ICE1: variants seen among roughly 807,000 people sequenced by gnomAD.
ICE1 encodes the protein little elongation complex subunit 1.
A neutral mutation model predicts 192.7 loss-of-function variants in ICE1; 64 were observed. The ratio of observed to expected loss-of-function variants is 0.33; its 90% CI spans 0.27 to 0.41. ICE1 has a LOEUF of 0.41. Among genes scored for constraint, ICE1 ranks in the 10% least tolerant of loss-of-function variants. The probability of loss-of-function intolerance (pLI) is 1.00; values close to 1 mark genes in which losing one functional copy is unlikely to be tolerated. For synonymous variants in ICE1, 1,010 were observed against 984.5 expected (o/e 1.03, Z -0.49); for missense variants, 2,708 against 2,696.0 (o/e 1.00, Z -0.10).
chr5:5,447,542 A>T, intron 8 of ICE1, 33 bp downstream of exon 8: 1 of 1,488,284 alleles, frequency 6.7e-7, no homozygotes, highest in Non-Finnish European at 9.2e-7. Flanking sequence ...ACACACCTTA[A>T]ATACGTGGCT....
rs2619844 is a variant in ICE1, at chr5:5,460,506, G to C, written c.1172G>C (p.Cys391Ser). 0.67 allele frequency: 1,082,654 copies of C among 1,608,508 alleles called. 366,278 individuals are homozygous for C. Among genetic ancestry groups the C allele is most frequent in the Admixed American group, 0.82 (49,016 of 59,620 alleles). The change falls in exon 13 of 19, where the codon TGT becomes TCT. Residue 391 changes from cysteine to serine, a missense_variant. By Grantham distance (112) the Cys-to-Ser change is moderately radical. Coordinates refer to ENST00000296564, the MANE Select transcript of ICE1 (RefSeq NM_015325.3). ...DSVQLRNSAE[C>S]VSEDDTTESQ... ...GTCCAGCTTAGAAATTCTGCTGAGT[G>C]TGTTTCAGAAGATGATACAACTGAA...
At chr5:5,481,003 T>C (rs1361204006) in intron 17 of ICE1, among the ~76,000 whole-genome samples, 1 of 152,180 alleles carries the variant, frequency 6.6e-6, no homozygotes, top group African/African-American at 2.4e-5. Flanking sequence ...ACAATTTTCA[T>C]TCTAGCTGTG....
intron 1 of ICE1, among the ~76,000 whole-genome samples, chr5:5,423,298 G>T (rs746317764): frequency 1.3e-5 from 2 of 152,162 alleles, no homozygotes; most frequent in African/African-American, 4.8e-5. Context: ...CCCGGCCTCG[G>T]AGCTCCCTAG....
intron 17 of ICE1, among the ~76,000 whole-genome samples, chr5:5,480,249 C>CTTTTTTTTT (rs574170460): frequency 2.3e-5 from 3 of 129,920 alleles, no homozygotes; most frequent in East Asian, 2.3e-4. Flanking sequence ...TTTTCTTTTT[C>CTTTTTTTTT]TTTTTTTTTT....
intron 1 of ICE1, among the ~76,000 whole-genome samples, chr5:5,431,417 T>C (rs112611182): frequency 6.6e-6 from 1 of 152,234 alleles, no homozygotes; most frequent in Non-Finnish European, 1.5e-5. Context: ...AGCAGCATTC[T>C]GAGGGCTCTC....
chr5:5,428,176 C>T (rs1264257726), intron 1 of ICE1, among the ~76,000 whole-genome samples: 2 of 152,040 alleles, frequency 1.3e-5, no homozygotes, highest in Non-Finnish European at 2.9e-5. Context: ...CACCCAGAAG[C>T]CACTCTGCTT....
At chr5:5,460,311 C>A in intron 12 of ICE1, 125 bp from the exon 13 acceptor site, 1 of 707,172 alleles carries the variant, frequency 1.4e-6, no homozygotes, top group South Asian at 2.0e-5. Context: ...CTAGCCTGCC[C>A]CTGCTCAAAC....
At position 5,466,454 on chromosome 5, in the gene ICE1, G is replaced by A. The variant is rs767412052; in HGVS notation, c.6013G>A (p.Gly2005Arg). The A allele has an allele frequency of 5.6e-6, 9 of 1,613,010 alleles. No homozygotes were observed. Among genetic ancestry groups the A allele is most frequent in the South Asian group, 2.2e-5 (2 of 90,862 alleles). Residue 2005 changes from glycine (G) to arginine (R), a missense_variant, in exon 14 of 19, where the codon GGA becomes AGA. Transcript: ENST00000296564. ...GTATGTGGGTATTTGTCGGCAACTCGGAGACTTGGAAAGAGCTCGTTTGTT... is the reference window on the plus strand; with the variant it reads ...GTATGTGGGTATTTGTCGGCAACTCAGAGACTTGGAAAGAGCTCGTTTGTT... The part of the protein sequence containing the change: ...RVYVGICRQL[G>R]DLERARLFCY...
chr5:5,486,983 G>A (rs1266815119), intron 18 of ICE1, among the ~76,000 whole-genome samples, 164 bp downstream of exon 18: 1 of 152,180 alleles, frequency 6.6e-6, no homozygotes, highest in East Asian at 1.9e-4. Flanking sequence ...GAATGTGTGT[G>A]TGGATTTTGT....
chr5:5,478,621 C>CA (rs2111401731), intron 17 of ICE1, among the ~76,000 whole-genome samples: 1 of 152,110 alleles, frequency 6.6e-6, no homozygotes, highest in South Asian at 2.1e-4. Flanking sequence ...CATATGGAGC[C>CA]AAAAAACCCA....
chr5:5,454,189 C>T (rs1471870511), intron 10 of ICE1, among the ~76,000 whole-genome samples: 1 of 152,152 alleles, frequency 6.6e-6, no homozygotes, highest in African/African-American at 2.4e-5. Context: ...CTTCCTTCCC[C>T]CATCTCAAAG....
chr5:5,437,349 G>A (rs185867590), intron 3 of ICE1: 120 of 415,902 alleles, frequency 2.9e-4, no homozygotes, highest in African/African-American at 1.9e-3. Flanking sequence ...TTTTCTTAAC[G>A]TCTCATAAGC....
chr5:5,454,487 T>G, intron 10 of ICE1, 65 bp from the exon 11 acceptor site: 1 of 1,064,972 alleles, frequency 9.4e-7, no homozygotes, highest in Non-Finnish European at 1.4e-6. Flanking sequence ...TTCACAGAAG[T>G]ATGTTCTGGC....
intron 17 of ICE1, 48 bp downstream of exon 17, chr5:5,476,127 G>A: frequency 9.0e-7 from 1 of 1,108,340 alleles, no homozygotes; most frequent in Admixed American, 3.3e-5. Flanking sequence ...TTGATATCTT[G>A]GTGGAAGGCT....
At position 5,461,094 on chromosome 5, in the gene ICE1, G is replaced by A. The variant is rs773554831; in HGVS notation, c.1760G>A (p.Arg587Lys). The A allele has an allele frequency of 1.2e-6, 2 of 1,614,036 alleles. No homozygotes were observed. The highest frequency in any genetic ancestry group is 2.2e-5 in the South Asian group (2 of 91,092). The change falls in exon 13 of 19, where the codon AGA becomes AAA. Residue 587 changes from arginine to lysine, a missense_variant. This residue lies in a region of ICE1 where 2,366 missense variants were observed against 2,276.6 expected (regional missense o/e 1.04). Coordinates refer to ENST00000296564, the MANE Select transcript of ICE1 (RefSeq NM_015325.3). ...DRITVSGHFHRLSRELEKEKE... is the reference protein window; with the variant it reads ...DRITVSGHFHKLSRELEKEKE... ...ATCACAGTTTCTGGCCATTTTCACA[G>A]ACTATCTAGAGAATTGGAAAAGGAA...
At chr5:5,431,539 T>C (rs766214839) in intron 1 of ICE1, among the ~76,000 whole-genome samples, 179 of 152,326 alleles carry the variant, frequency 1.2e-3, no homozygotes, top group Non-Finnish European at 1.9e-3. Flanking sequence ...AAATATTTAT[T>C]GTGTAGAATT....
chr5:5,449,014 G>A (rs1376656629), intron 10 of ICE1, among the ~76,000 whole-genome samples: 2 of 139,826 alleles, frequency 1.4e-5, no homozygotes, highest in African/African-American at 2.5e-5. Context: ...AATTATCTTC[G>A]TTTTTGGACT....
intron 7 of ICE1, among the ~76,000 whole-genome samples, chr5:5,447,169 A>T (rs2111355608): frequency 6.6e-6 from 1 of 152,278 alleles, no homozygotes; most frequent in Non-Finnish European, 1.5e-5. Flanking sequence ...AGGGGTTGGG[A>T]TTGCTGTGCC....
In ICE1 at chr5:5,463,846, C is replaced by T. The variant is rs1738884977; in HGVS notation, c.4512C>T (p.Asn1504=). 6.2e-7 allele frequency: 1 copy of T among 1,613,892 alleles called. No individual in the cohort carries two copies. The highest frequency in any genetic ancestry group is 1.1e-5 in the South Asian group (1 of 91,058). The change falls in exon 13 of 19, where the codon AAC becomes AAT. Residue 1504 remains asparagine, a synonymous_variant. Coordinates refer to ENST00000296564, the MANE Select transcript of ICE1 (RefSeq NM_015325.3). ...EDVSSSGQST[N]FDKSRLRNRP... ...TTTCAAGCAGTGGTCAGAGCACCAA[C>T]TTTGATAAGAGTCGTTTGCGAAATA...
Sources: gnomAD v4.1 joint callset for allele counts (sites outside exome capture counted in the v4.1 genomes callset) on GRCh38, gnomAD v4.1.1 for gene constraint, gnomAD v4.1.1 regional missense constraint, MANE v1.5 for transcripts, NCBI Gene and HGNC (gene_info 2026-07-23, HGNC 2026-07-21) for gene names.